PDE1A: variants seen among roughly 807,000 people sequenced by gnomAD.
PDE1A encodes phosphodiesterase 1A.
A neutral mutation model predicts 61.7 loss-of-function variants in PDE1A; 35 were observed. The observed-to-expected ratio is 0.57, with a 90% CI of 0.43 to 0.75. The LOEUF is 0.75. PDE1A is among the 30% of genes least tolerant of loss of function. The pLI is 0.00. For synonymous variants in PDE1A, 232 were observed against 213.2 expected (o/e 1.09, Z -0.77); for missense variants, 597 against 630.6 (o/e 0.95, Z 0.57).
chr2:182,554,430 T>C, the PDE1A span, among the ~76,000 whole-genome samples: 1 of 152,156 alleles, frequency 6.6e-6, no homozygotes, highest in Non-Finnish European at 1.5e-5. Context: ...ATCCATCTGA[T>C]GTTGGAAGCC....
intron 1 of PDE1A, among the ~76,000 whole-genome samples, chr2:182,297,997 A>G (rs1694997615): frequency 6.6e-6 from 1 of 152,160 alleles, no homozygotes; most frequent in South Asian, 2.1e-4. Context: ...CAAAGACATT[A>G]TTGTCTTATA....
intron 2 of PDE1A, among the ~76,000 whole-genome samples, chr2:182,520,462 T>C (rs1435452339): frequency 6.6e-6 from 1 of 151,924 alleles, no homozygotes; most frequent in East Asian, 1.9e-4. Flanking sequence ...AAAATTAATT[T>C]TGCATGTACA....
At chr2:182,199,321 T>C (rs1686410188) in intron 10 of PDE1A, among the ~76,000 whole-genome samples, 1 of 152,004 alleles carries the variant, frequency 6.6e-6, no homozygotes, top group African/African-American at 2.4e-5. Flanking sequence ...TGTTTTTGGC[T>C]TTTATATTTA....
chr2:182,246,309 G>T (rs1335159065), intron 2 of PDE1A, among the ~76,000 whole-genome samples: 3 of 151,832 alleles, frequency 2.0e-5, no homozygotes, highest in Non-Finnish European at 4.4e-5. Context: ...CTGCATTTAG[G>T]TAGAGAGGGC....
exon 2 of PDE1A, chr2:182,264,336 T>A: frequency 1.9e-6 from 3 of 1,613,298 alleles, no homozygotes; most frequent in African/African-American, 1.3e-5. Context: ...CCAGCACAGA[T>A]GCCGCATATT....
rs540890973 is a variant in PDE1A, at chr2:182,517,496, A to G, written c.101+4780T>C. On this transcript the variant is annotated intron_variant, in intron 2 of 14. Coordinates refer to the PDE1A transcript ENST00000410103. ...TAAAATATTAATTGCATTATCTCCT[A>G]TGTGCTAAGTACTGTGCTATGTGCT... Among the ~76,000 whole-genome samples, 8 of 152,312 alleles carry G rather than the reference A, an allele frequency of 5.3e-5. No individual in the cohort carries two copies. The South Asian group carries it at 1.5e-3, about 28-fold the overall frequency.
chr2:182,472,943 T>TA (rs1687124182), intron 2 of PDE1A, among the ~76,000 whole-genome samples: 1 of 68,798 alleles, frequency 1.5e-5, no homozygotes, highest in African/African-American at 5.6e-5. Flanking sequence ...ATTTTATTAA[T>TA]TTTTTTTTTT....
At chr2:182,444,100 C>T (rs1238838432) in intron 2 of PDE1A, among the ~76,000 whole-genome samples, 1 of 152,122 alleles carries the variant, frequency 6.6e-6, no homozygotes, top group East Asian at 1.9e-4. Context: ...ATCTCCCTAC[C>T]CACTCATTCA....
At chr2:182,247,202 G>C (rs886980027) in intron 2 of PDE1A, among the ~76,000 whole-genome samples, 12 of 146,740 alleles carry the variant, frequency 8.2e-5, no homozygotes, top group Admixed American at 7.5e-4. Flanking sequence ...ATTTGGTGTA[G>C]AAAAAAAAAA....
chr2:182,378,142 G>A (rs565759543), intron 1 of PDE1A, among the ~76,000 whole-genome samples: 4 of 152,204 alleles, frequency 2.6e-5, no homozygotes, highest in South Asian at 2.1e-4. Flanking sequence ...CACCGTGCCC[G>A]GCCCAGACAT....
At chr2:182,240,422 T>C (rs1486381970) in intron 2 of PDE1A, 130 bp from the exon 3 acceptor site, 1 of 524,538 alleles carries the variant, frequency 1.9e-6, no homozygotes, top group Non-Finnish European at 3.1e-6. Context: ...ATATGTACTC[T>C]CTAAAGAAAG....
exon 1 of PDE1A, chr2:182,522,691 A>C: frequency 9.2e-7 from 1 of 1,087,460 alleles, no homozygotes; most frequent in Non-Finnish European, 1.1e-6. Flanking sequence ...CTCTCCCCAA[A>C]AGCAGCTCAT....
At chr2:182,641,194 G>C in the PDE1A span, among the ~76,000 whole-genome samples, 1 of 151,982 alleles carries the variant, frequency 6.6e-6, no homozygotes, top group Non-Finnish European at 1.5e-5. Context: ...AAACTAAAAA[G>C]ATGGTTGCCT....
intron 1 of PDE1A, among the ~76,000 whole-genome samples, chr2:182,279,948 C>G (rs1267987722): frequency 6.6e-6 from 1 of 151,746 alleles, no homozygotes; most frequent in Non-Finnish European, 1.5e-5. Flanking sequence ...CTATTGGCCT[C>G]CTGTTACGGT....
At chr2:182,144,283 T>C (rs371792638), downstream of PDE1A, among the ~76,000 whole-genome samples, 1 of 152,338 alleles carries the variant, frequency 6.6e-6, no homozygotes, top group East Asian at 1.9e-4. Flanking sequence ...TGACATATCT[T>C]TCAAGAAAGA....
chr2:182,560,398 A>C, the PDE1A span, among the ~76,000 whole-genome samples: 4 of 151,104 alleles, frequency 2.6e-5, no homozygotes, highest in South Asian at 6.3e-4. Context: ...TGAACTCATC[A>C]TTTTTTATGG....
intron 1 of PDE1A, among the ~76,000 whole-genome samples, chr2:182,285,898 G>A (rs1694127614): frequency 6.6e-6 from 1 of 152,064 alleles, no homozygotes; most frequent in Non-Finnish European, 1.5e-5. Flanking sequence ...TAAATCAATG[G>A]AAAGGTACAG....
intron 2 of PDE1A, among the ~76,000 whole-genome samples, chr2:182,518,396 T>G (rs1428439552): frequency 1.3e-5 from 2 of 152,204 alleles, no homozygotes; most frequent in East Asian, 3.8e-4. Flanking sequence ...TTTTTGCTTC[T>G]AAACATTTTG....
chr2:182,666,471 G>T, the PDE1A span, among the ~76,000 whole-genome samples: 1 of 151,990 alleles, frequency 6.6e-6, no homozygotes, highest in Non-Finnish European at 1.5e-5. Flanking sequence ...AGCCGGGTGT[G>T]GTGGCGCATG....
Sources: gnomAD v4.1 joint callset for allele counts (sites outside exome capture counted in the v4.1 genomes callset) on GRCh38, gnomAD v4.1.1 for gene constraint, MANE v1.5 for transcripts, NCBI Gene and HGNC (gene_info 2026-07-23, HGNC 2026-07-21) for gene names.